The following GRIN3A variants were observed in gnomAD, a reference collection of about 807,000 sequenced individuals.
GRIN3A encodes glutamate ionotropic receptor NMDA type subunit 3A.
In GRIN3A, 47 loss-of-function variants were observed where a neutral mutation model predicts 92.4. The ratio of observed to expected loss-of-function variants is 0.51; its 90% CI spans 0.40 to 0.65. The LOEUF (loss-of-function observed/expected upper bound fraction) is 0.65, where lower values mean the gene tolerates loss of function less well. GRIN3A is among the 30% of genes least tolerant of loss of function. GRIN3A has a pLI of 0.00. For synonymous variants in GRIN3A, 527 were observed against 540.6 expected, an observed-to-expected ratio of 0.97 and a Z score of 0.35; for missense variants, 1,324 against 1,393.1, an observed-to-expected ratio of 0.95 and a Z score of 0.79.
chr9:101,643,416 T>A (rs1828892617), intron 3 of GRIN3A, among the ~76,000 whole-genome samples: 1 of 152,044 alleles, frequency 6.6e-6, no homozygotes, highest in Non-Finnish European at 1.5e-5. Context: ...TTTGTGAGGA[T>A]ATGGAGAAAA....
intron 6 of GRIN3A, among the ~76,000 whole-genome samples, chr9:101,585,755 G>A (rs1827943418): frequency 6.6e-6 from 1 of 152,086 alleles, no homozygotes; most frequent in East Asian, 1.9e-4. Flanking sequence ...CTAGATTATT[G>A]AGACAGCCTC....
At chr9:101,673,958 C>A (rs1829361149) in intron 2 of GRIN3A, among the ~76,000 whole-genome samples, 1 of 152,042 alleles carries the variant, frequency 6.6e-6, no homozygotes, top group South Asian at 2.1e-4. Context: ...CCTGCACATT[C>A]TACTATAGGG....
intron 1 of GRIN3A, among the ~76,000 whole-genome samples, chr9:101,731,743 GAATTT>G (rs1830141451): frequency 6.6e-6 from 1 of 152,176 alleles, no homozygotes; most frequent in South Asian, 2.1e-4. Context: ...AAATATCTGA[GAATTT>G]GGCTGAGGTG....
At chr9:101,576,784 A>G (rs1827833271) in intron 8 of GRIN3A, among the ~76,000 whole-genome samples, 2 of 152,184 alleles carry the variant, frequency 1.3e-5, no homozygotes, top group Non-Finnish European at 1.5e-5. Context: ...TTGACTGGAA[A>G]GAGATACTTC....
chr9:101,631,719 T>C (rs1384086919), intron 3 of GRIN3A, among the ~76,000 whole-genome samples: 1 of 152,138 alleles, frequency 6.6e-6, no homozygotes, highest in Admixed American at 6.5e-5. Flanking sequence ...GGTTCTGAGG[T>C]TCTGAGAATT....
intron 3 of GRIN3A, among the ~76,000 whole-genome samples, chr9:101,663,674 G>A (rs1829204542): frequency 6.8e-6 from 1 of 146,554 alleles, no homozygotes; most frequent in Non-Finnish European, 1.5e-5. Flanking sequence ...TCCTACTAAG[G>A]CTCTGCCAAT....
intron 3 of GRIN3A, among the ~76,000 whole-genome samples, chr9:101,655,734 G>A (rs1829078893): frequency 1.3e-5 from 2 of 151,892 alleles, no homozygotes; most frequent in South Asian, 4.1e-4. Flanking sequence ...AATCAATTGA[G>A]GTGATGAAGT....
intron 6 of GRIN3A, among the ~76,000 whole-genome samples, chr9:101,604,143 G>A (rs1248102195): frequency 6.6e-6 from 1 of 151,816 alleles, no homozygotes; most frequent in Non-Finnish European, 1.5e-5. Flanking sequence ...ATGGATGGAT[G>A]GGAGAAAGGA....
chr9:101,628,500 A>G, intron 3 of GRIN3A, 99 bp from the exon 4 acceptor site: 1 of 1,196,672 alleles, frequency 8.4e-7, no homozygotes, highest in Non-Finnish European at 1.2e-6. Flanking sequence ...AATAATTCGG[A>G]ACTTTTCTAA....
intron 3 of GRIN3A, among the ~76,000 whole-genome samples, chr9:101,659,772 G>A (rs549823847): frequency 1.1e-4 from 16 of 151,740 alleles, no homozygotes; most frequent in South Asian, 8.3e-4. Context: ...AACTCAGCAC[G>A]GTATCTAATT....
chr9:101,595,940 A>T (rs902983405), intron 6 of GRIN3A, among the ~76,000 whole-genome samples: 1 of 152,126 alleles, frequency 6.6e-6, no homozygotes, highest in African/African-American at 2.4e-5. Flanking sequence ...TTTCAACTAG[A>T]TTTGTTCTTT....
chr9:101,669,976 G>A, intron 3 of GRIN3A, 84 bp downstream of exon 3: 1 of 1,048,864 alleles, frequency 9.5e-7, no homozygotes. Flanking sequence ...TTAGATGGAA[G>A]AACATGAGCA....
chr9:101,640,149 A>T (rs891964210), intron 3 of GRIN3A, among the ~76,000 whole-genome samples: 4 of 152,302 alleles, frequency 2.6e-5, no homozygotes, highest in Admixed American at 2.6e-4. Context: ...TATATACTAT[A>T]TAGTGTATAG....
In GRIN3A at chr9:101,738,228, G is replaced by A; in HGVS notation, c.-249C>T. Reference sequence around the variant, plus strand: ...CCCGCCCGGTCACTGCGCTGAGCAGGCAGGCGGGCGGGCCGGCGCCTGTCA... The same window carrying A: ...CCCGCCCGGTCACTGCGCTGAGCAGACAGGCGGGCGGGCCGGCGCCTGTCA... On this transcript the variant is annotated 5_prime_UTR_variant, in exon 1 of 9. Transcript: ENST00000361820. 1 of 540,728 alleles carries A rather than the reference G, an allele frequency of 1.8e-6. No individual in the cohort carries two copies. Among genetic ancestry groups the A allele is most frequent in the Non-Finnish European group, 3.3e-6 (1 of 303,756 alleles). The allele number at this position is 540,728 out of a possible 1,614,324, so 33.5% of individuals were successfully genotyped here. A position where few individuals can be genotyped will look rare whatever the true frequency, so the allele number is the denominator to read the frequency against.
At chr9:101,611,298 A>T (rs1182895910) in intron 6 of GRIN3A, among the ~76,000 whole-genome samples, 10 of 151,966 alleles carry the variant, frequency 6.6e-5, no homozygotes, top group African/African-American at 9.7e-5. Context: ...TTGTAGCTGC[A>T]TGCTCCAGTC....
intron 2 of GRIN3A, among the ~76,000 whole-genome samples, chr9:101,677,023 CTT>C: frequency 6.9e-6 from 1 of 145,008 alleles, no homozygotes; most frequent in African/African-American, 2.5e-5. Context: ...CTTATGTAGT[CTT>C]TTTTTTTTTT....
chr9:101,722,207 C>A (rs1694424527), intron 1 of GRIN3A, among the ~76,000 whole-genome samples: 1 of 152,240 alleles, frequency 6.6e-6, no homozygotes, highest in South Asian at 2.1e-4. Context: ...AAGCCCCAAG[C>A]CTTAGCAGCT....
intron 1 of GRIN3A, among the ~76,000 whole-genome samples, chr9:101,696,534 T>C (rs1016284860): frequency 1.8e-5 from 2 of 111,924 alleles, no homozygotes; most frequent in Admixed American, 2.0e-4. Flanking sequence ...CCACCTTGGT[T>C]TTGGTCAAAT....
intron 3 of GRIN3A, among the ~76,000 whole-genome samples, chr9:101,648,962 G>A (rs1828975701): frequency 6.6e-6 from 1 of 151,776 alleles, no homozygotes; most frequent in Non-Finnish European, 1.5e-5. Flanking sequence ...ACATTGCATT[G>A]AACTTAACTC....
Sources: allele counts gnomAD v4.1 joint callset (sites outside exome capture counted in the v4.1 genomes callset), GRCh38; gene constraint gnomAD v4.1.1; transcripts MANE v1.5; gene names NCBI Gene and HGNC (gene_info 2026-07-23, HGNC 2026-07-21).